Variants in PCDHGC4 observed in about 807,000 individuals in gnomAD.
PCDHGC4 encodes the protein protocadherin gamma subfamily C, 4.
Under a neutral mutation model 59.7 loss-of-function variants are expected in PCDHGC4, and 15 were observed. The observed-to-expected ratio is 0.25, with a 90% CI of 0.17 to 0.39. PCDHGC4 has a LOEUF of 0.39. Among genes scored for constraint, PCDHGC4 ranks in the 10% least tolerant of loss-of-function variants. The pLI, the probability that PCDHGC4 is intolerant of heterozygous loss-of-function variation, is 1.00. For synonymous variants in PCDHGC4, 434 were observed against 481.4 expected (o/e 0.90, Z 1.29); for missense variants, 1,016 against 1,189.5 (o/e 0.85, Z 2.15).
Position 141,505,350 on chromosome 5 carries a change from G to A in PCDHGC4, c.2502-43G>A, listed in dbSNP as rs367663588. ...AGAGGACAGGAGGGGCATGAGCTGT[G>A]CCGGCCTGGGAGTCTGTGCTCACCA... On this transcript the variant is annotated intron_variant, in intron 2 of 3. Transcript: ENST00000306593. The A allele has an allele frequency of 4.3e-6, 7 of 1,613,264 alleles. No homozygotes were observed. In the African/African-American group the frequency reaches 6.7e-5, roughly 15 times the overall value.
In PCDHGC4 at chr5:141,486,913, G is replaced by A. The variant is rs2099636995; in HGVS notation, c.1740G>A (p.Leu580=). ...ARPGSLCPQA[L]PPSVGAGHLI... is the part of the protein sequence containing the mutation. ...CTGGTTCCTTATGTCCCCAAGCACT[G>A]CCTCCATCAGTTGGTGCTGGCCACC... Residue 580 remains leucine (L), a synonymous_variant, in exon 1 of 4, where the codon CTG becomes CTA. Transcript: ENST00000306593. The surrounding 1 kb of genome is among the most constrained non-coding windows in gnomAD (Gnocchi z 5.0). The A allele has an allele frequency of 1.9e-6, 3 of 1,614,092 alleles. No individual in the cohort carries two copies. The highest frequency in any genetic ancestry group is 1.3e-5 in the African/African-American group (1 of 74,938).
At chr5:141,500,188 ATT>A (rs2099797463) in intron 2 of PCDHGC4, among the ~76,000 whole-genome samples, 1 of 98,146 alleles carries the variant, frequency 1.0e-5, no homozygotes, top group African/African-American at 5.1e-5. Flanking sequence ...TTTTATTTTT[ATT>A]TATTTATTTA....
chr5:141,510,958 G>A lies in PCDHGC4; in HGVS notation c.2602G>A (p.Gly868Arg). 6.2e-7 allele frequency: 1 copy of A among 1,614,130 alleles called. No homozygotes were observed. Among genetic ancestry groups the A allele is most frequent in the Non-Finnish European group, 8.5e-7 (1 of 1,180,012 alleles). The change falls in exon 4 of 4, where the codon GGG becomes AGG. Residue 868 changes from glycine to arginine, a missense_variant. Transcript: ENST00000306593. The stretch of plus-strand genomic sequence containing the variant: ...CTCTGTCTCTGCAGAAGCTGCTGAT[G>A]GGAGCTCCACCCTGGGAGGGGGTGC... ...ILASASEAAD[G>R]SSTLGGGAGT...
At chr5:141,505,827 TCA>T (rs1197972266) in intron 3 of PCDHGC4, among the ~76,000 whole-genome samples, 4 of 152,072 alleles carry the variant, frequency 2.6e-5, no homozygotes, top group South Asian at 4.1e-4. Context: ...TCTCTAAACC[TCA>T]GTTTCCTCAG....
Position 141,489,772 on chromosome 5 carries a change from T to C in PCDHGC4, c.2442+2157T>C, listed in dbSNP as rs1327700197. 6.2e-7 allele frequency: 1 copy of C among 1,614,154 alleles called. No individual in the cohort carries two copies. The highest frequency in any genetic ancestry group is 8.5e-7 in the Non-Finnish European group (1 of 1,179,994). ...TTACACTCTAAGCCCCAACAGCCAC[T>C]TCTCTCTGAATGTGAAGACCCTAAA... On this transcript the variant is annotated intron_variant, in intron 1 of 3. Coordinates refer to ENST00000306593, the MANE Select transcript of PCDHGC4 (RefSeq NM_018928.3). This position sits in a 1 kb window ranked among gnomAD's most constrained non-coding sequence, Gnocchi z 4.5.
At chr5:141,499,557 C>G (rs972965979) in intron 2 of PCDHGC4, among the ~76,000 whole-genome samples, 1 of 152,192 alleles carries the variant, frequency 6.6e-6, no homozygotes, top group African/African-American at 2.4e-5. Context: ...TATGATACCA[C>G]TATCCAGCTT....
Position 141,490,688 on chromosome 5 carries a change from C to G in PCDHGC4, c.2442+3073C>G. 1 of 1,614,218 alleles carries G rather than the reference C, an allele frequency of 6.2e-7. No individual in the cohort carries two copies. Among genetic ancestry groups the G allele is most frequent in the Non-Finnish European group, 8.5e-7 (1 of 1,180,032 alleles). On this transcript the variant is annotated intron_variant, in intron 1 of 3. Coordinates refer to ENST00000306593, the MANE Select transcript of PCDHGC4 (RefSeq NM_018928.3). The surrounding 1 kb of genome is among the most constrained non-coding windows in gnomAD (Gnocchi z 5.4). ...ACTGTGGCTGCCTCAGATCCAGACA[C>G]TGGGGATAATGCCCGCCTCACCTAC...
At chr5:141,488,208 C>T (rs2099672939) in intron 1 of PCDHGC4, among the ~76,000 whole-genome samples, 1 of 152,152 alleles carries the variant, frequency 6.6e-6, no homozygotes, top group African/African-American at 2.4e-5. Flanking sequence ...GGACTCATAT[C>T]AAGTCCCTAC....
chr5:141,509,882 GTGAC>G (rs1186067105), intron 3 of PCDHGC4, among the ~76,000 whole-genome samples: 1 of 152,182 alleles, frequency 6.6e-6, no homozygotes, highest in Non-Finnish European at 1.5e-5. Context: ...GGTGGTGATG[GTGAC>G]TGACTGTCCC....
chr5:141,485,827 G>A lies in PCDHGC4; in HGVS notation c.654G>A (p.Gly218=). 1 of 1,614,154 alleles carries A rather than the reference G, an allele frequency of 6.2e-7. No individual in the cohort carries two copies. The highest frequency in any genetic ancestry group is 1.1e-5 in the South Asian group (1 of 91,080). The change falls in exon 1 of 4, where the codon GGG becomes GGA. Residue 218 remains glycine (G), a synonymous_variant. Coordinates refer to ENST00000306593, the MANE Select transcript of PCDHGC4 (RefSeq NM_018928.3). The surrounding 1 kb of genome is among the most constrained non-coding windows in gnomAD (Gnocchi z 5.7). ...YRLVLTAVDG[G]NPPRSGTAEL... Reference sequence around the variant, plus strand: ...TGGTGCTGACTGCTGTCGATGGAGGGAACCCGCCGAGATCTGGCACCGCAG... The same window carrying A: ...TGGTGCTGACTGCTGTCGATGGAGGAAACCCGCCGAGATCTGGCACCGCAG...
chr5:141,510,834 G>T, intron 3 of PCDHGC4, 113 bp from the exon 4 acceptor site: 1 of 1,581,880 alleles, frequency 6.3e-7, no homozygotes. Flanking sequence ...AGTGCTCAGC[G>T]TGGTCAAGGC....
chr5:141,492,720 A>G (rs1161942205), intron 1 of PCDHGC4, among the ~76,000 whole-genome samples: 1 of 152,256 alleles, frequency 6.6e-6, no homozygotes, highest in East Asian at 1.9e-4. Context: ...GCAGGCGGAC[A>G]GGCAGAGCTG....
rs1446853595 is a variant in PCDHGC4 at position 141,491,363 on chromosome 5, C to A, written c.2443-3444C>A. The A allele has an allele frequency of 1.2e-6, 2 of 1,614,182 alleles. No homozygotes were observed. Among genetic ancestry groups the A allele is most frequent in the South Asian group, 2.2e-5 (2 of 91,082 alleles). On this transcript the variant is annotated intron_variant, in intron 1 of 3. Coordinates refer to ENST00000306593, the MANE Select transcript of PCDHGC4 (RefSeq NM_018928.3). The surrounding 1 kb of genome is among the most constrained non-coding windows in gnomAD (Gnocchi z 6.9). ...ACCGTCAGTCTCTTATCCCTAGTCA[C>A]CTTCACCTTTCTGTCAGCGAAGTGC...
rs577239742 is a variant in PCDHGC4 at position 141,501,564 on chromosome 5, T to C, written c.2502-3829T>C. ...CATAAGATCATAGGCCCTGGAATCA[T>C]ATTAGGCTGGCTTTCAGGTTGCAAC... On this transcript the variant is annotated intron_variant, in intron 2 of 3. Coordinates refer to ENST00000306593, the MANE Select transcript of PCDHGC4 (RefSeq NM_018928.3). 5.9e-5 allele frequency among the ~76,000 whole-genome samples: 9 copies of C among 152,194 alleles called. No individual in the cohort carries two copies. The South Asian group carries it at 1.7e-3, about 28-fold the overall frequency.
rs2099713635 is a variant in PCDHGC4, at chr5:141,491,418, T to C, written c.2443-3389T>C. The C allele has an allele frequency of 6.2e-7, 1 of 1,613,796 alleles. No individual in the cohort carries two copies. Among genetic ancestry groups the C allele is most frequent in the Non-Finnish European group, 8.5e-7 (1 of 1,179,944 alleles). On this transcript the variant is annotated intron_variant, in intron 1 of 3. Transcript: ENST00000306593. The surrounding 1 kb of genome is among the most constrained non-coding windows in gnomAD (Gnocchi z 6.9). The stretch of plus-strand genomic sequence containing the variant: ...AGGGAAACGCAGACGGGGACGGGGG[T>C]GGAGGGCAGTGCTGCAGGCGCCAGG...
chr5:141,485,134 C>G lies in PCDHGC4; in HGVS notation c.-40C>G, dbSNP rs967744072. 1.3e-6 allele frequency: 2 copies of G among 1,495,962 alleles called. No individual in the cohort carries two copies. Among genetic ancestry groups the G allele is most frequent in the South Asian group, 2.4e-5 (2 of 84,482 alleles). 92.7% of individuals were successfully genotyped at this position (1,495,962 alleles called of 1,614,324 possible). ...CTGTTTGGGGCGGGTCGGCTTCATC[C>G]GCGTCTCAGGAGCAAGTAGAGAATT... On this transcript the variant is annotated 5_prime_UTR_variant, in exon 1 of 4. Transcript: ENST00000306593. The surrounding 1 kb of genome is among the most constrained non-coding windows in gnomAD (Gnocchi z 5.7).
chr5:141,506,688 T>G (rs114532236), intron 3 of PCDHGC4, among the ~76,000 whole-genome samples: 2,113 of 152,334 alleles, frequency 0.014, 37 homozygotes, highest in African/African-American at 0.048. Flanking sequence ...TTATCTTTGC[T>G]GACCCAAACC....
At position 141,490,938 on chromosome 5, in the gene PCDHGC4, C is replaced by T. The variant is rs2099706179; in HGVS notation, c.2442+3323C>T. ...ATGATAATGCCCCAGCTGTGCTGCA[C>T]CCACGGCCAGACTGGGAACACTCAG... On this transcript the variant is annotated intron_variant, in intron 1 of 3. Coordinates refer to ENST00000306593, the MANE Select transcript of PCDHGC4 (RefSeq NM_018928.3). This position sits in a 1 kb window ranked among gnomAD's most constrained non-coding sequence, Gnocchi z 5.4. 6.2e-7 allele frequency: 1 copy of T among 1,613,554 alleles called. No homozygotes were observed. Among genetic ancestry groups the T allele is most frequent in the African/African-American group, 1.3e-5 (1 of 74,934 alleles).
rs2099750571 is a variant in PCDHGC4, at chr5:141,493,878, T to A, written c.2443-929T>A. On this transcript the variant is annotated intron_variant, in intron 1 of 3. Coordinates refer to ENST00000306593, the MANE Select transcript of PCDHGC4 (RefSeq NM_018928.3). This position sits in a 1 kb window ranked among gnomAD's most constrained non-coding sequence, Gnocchi z 4.3. ...GCCCACCCCAGAACCAGTGAGGAGG[T>A]GGCTCTAGGAGTGCTCCATGAGAGT... is the stretch of plus-strand genomic sequence containing the variant. 6.6e-6 allele frequency among the ~76,000 whole-genome samples: 1 copy of A among 152,072 alleles called. No homozygotes were observed. The highest frequency in any genetic ancestry group is 6.6e-5 in the Admixed American group (1 of 15,264).
Sources: gnomAD v4.1 joint callset for allele counts (sites outside exome capture counted in the v4.1 genomes callset) on GRCh38, gnomAD v4.1.1 for gene constraint, Gnocchi (gnomAD v3.1) non-coding constraint, MANE v1.5 for transcripts, NCBI Gene and HGNC (gene_info 2026-07-23, HGNC 2026-07-21) for gene names.